CCL17: variants seen among roughly 807,000 people sequenced by gnomAD.
CCL17 encodes the protein C-C motif chemokine ligand 17, also known as C-C motif chemokine 17.
A neutral mutation model predicts 7.4 loss-of-function variants in CCL17; 8 were observed. The ratio of observed to expected loss-of-function variants is 1.09; its 90% CI spans 0.64 to 1.96. The LOEUF (loss-of-function observed/expected upper bound fraction) is 1.96. Among genes scored for constraint, CCL17 ranks in the 30% most tolerant of loss-of-function variants. The pLI, the probability that CCL17 is intolerant of heterozygous loss-of-function variation, is 0.00. For missense variants in CCL17, 102 were observed against 113.0 expected, an observed-to-expected ratio of 0.90 and a Z score of 0.44; for synonymous variants, 40 against 46.1, an observed-to-expected ratio of 0.87 and a Z score of 0.54.
intron 1 of CCL17, among the ~76,000 whole-genome samples, chr16:57,406,378 A>G (rs148898369): frequency 0.026 from 3,943 of 152,114 alleles, 170 homozygotes; most frequent in African/African-American, 0.09. Context: ...CGATCTTCCC[A>G]CCTCAGCCTC....
At chr16:57,400,413 G>A (rs1005722219), upstream of CCL17, among the ~76,000 whole-genome samples, 7 of 150,756 alleles carry the variant, frequency 4.6e-5, no homozygotes, top group Non-Finnish European at 8.8e-5. Context: ...GGGCAATGAA[G>A]CAATCATGGT....
the CCL17 span, among the ~76,000 whole-genome samples, chr16:57,399,075 G>T: frequency 4.6e-5 from 7 of 152,204 alleles, no homozygotes; most frequent in Non-Finnish European, 8.8e-5. Context: ...AGAGTAGGGT[G>T]TAGGGGTTGG....
Position 57,415,918 on chromosome 16 carries a change from TTGG to T in CCL17, c.*60_*62del. The T allele has an allele frequency of 8.2e-7, 1 of 1,218,336 alleles. No individual in the cohort carries two copies. The highest frequency in any genetic ancestry group is 1.2e-6 in the Non-Finnish European group (1 of 822,050). The allele number at this position is 1,218,336 out of a possible 1,614,324, so 75.5% of individuals were successfully genotyped here. ...CCGGGACTACCTGGGACCTCCACCG[TTGG>T]TGTTCACCGCCCCCACCCTGAGCGC... On this transcript the variant is annotated 3_prime_UTR_variant, in exon 4 of 4. Coordinates refer to ENST00000219244, the MANE Select transcript of CCL17 (RefSeq NM_002987.3). This position sits in a 1 kb window ranked among gnomAD's most constrained non-coding sequence, Gnocchi z 4.5.
At chr16:57,406,670 G>A (rs1902700907) in intron 1 of CCL17, among the ~76,000 whole-genome samples, 1 of 152,138 alleles carries the variant, frequency 6.6e-6, no homozygotes. Context: ...TAGGTTCCCA[G>A]GGATGACAAG....
upstream of CCL17, among the ~76,000 whole-genome samples, chr16:57,401,226 G>A (rs1902587375): frequency 6.6e-6 from 1 of 151,942 alleles, no homozygotes; most frequent in Non-Finnish European, 1.5e-5. Flanking sequence ...ATAAAGCTTA[G>A]AAATGAGCAT....
chr16:57,416,024 C>G lies in CCL17; in HGVS notation c.*163C>G, dbSNP rs1006657833. Reference sequence around the variant, plus strand: ...TCCCATCCCCTTGTCTGAACTGGAGCCATGGGCACAAAGGGCCCAGATTAA... The same window carrying G: ...TCCCATCCCCTTGTCTGAACTGGAGGCATGGGCACAAAGGGCCCAGATTAA... On this transcript the variant is annotated 3_prime_UTR_variant, in exon 4 of 4. Coordinates refer to ENST00000219244, the MANE Select transcript of CCL17 (RefSeq NM_002987.3). 3.4e-6 allele frequency: 2 copies of G among 595,574 alleles called. No individual in the cohort carries two copies. Among genetic ancestry groups the G allele is most frequent in the Admixed American group, 5.8e-5 (2 of 34,284 alleles). 36.9% of individuals were successfully genotyped at this position (595,574 alleles called of 1,614,324 possible).
Position 57,405,816 on chromosome 16 carries a change from G to A in CCL17, c.-60+980G>A, listed in dbSNP as rs576684583. On this transcript the variant is annotated intron_variant, in intron 1 of 3. Transcript: ENST00000219244. ...TGGGAGGCCGAGGCAGGTGGATCAC[G>A]AGATCAGGAGATCGAGACCATCCTG... Among the ~76,000 whole-genome samples the A allele has an allele frequency of 2.5e-3, 383 of 151,538 alleles. 4 individuals carry two copies. The highest frequency in any genetic ancestry group is 6.5e-3 in the South Asian group (31 of 4,794).
At chr16:57,399,727 C>T in the CCL17 span, among the ~76,000 whole-genome samples, 9 of 152,214 alleles carry the variant, frequency 5.9e-5, no homozygotes, top group African/African-American at 1.7e-4. Context: ...GTATTACAGG[C>T]GTAAGCCACT....
At chr16:57,412,232 T>C (rs1902795768) in intron 1 of CCL17, among the ~76,000 whole-genome samples, 1 of 152,170 alleles carries the variant, frequency 6.6e-6, no homozygotes, top group Non-Finnish European at 1.5e-5. Context: ...TAGAGGATGC[T>C]GCCCACAGAA....
chr16:57,402,112 T>G (rs2146529361), upstream of CCL17, among the ~76,000 whole-genome samples: 1 of 152,308 alleles, frequency 6.6e-6, no homozygotes, highest in East Asian at 1.9e-4. Context: ...GCAGCTGAGG[T>G]GCTGGTTCTT....
upstream of CCL17, among the ~76,000 whole-genome samples, chr16:57,404,162 A>G (rs72792969): frequency 0.028 from 4,189 of 152,054 alleles, 84 homozygotes; most frequent in South Asian, 0.088. Flanking sequence ...AGGGCACAGA[A>G]CTCGCGGGGC....
At chr16:57,411,323 C>T (rs2146538828) in intron 1 of CCL17, among the ~76,000 whole-genome samples, 1 of 152,190 alleles carries the variant, frequency 6.6e-6, no homozygotes, top group Admixed American at 6.5e-5. Flanking sequence ...CCCCCAGAGG[C>T]TCAGCTGCCC....
intron 1 of CCL17, among the ~76,000 whole-genome samples, chr16:57,409,771 C>T (rs62037109): frequency 0.011 from 1,748 of 152,258 alleles, 16 homozygotes; most frequent in Middle Eastern, 0.051. Flanking sequence ...ACAGACACAT[C>T]AATGGGCACG....
chr16:57,399,563 G>A, the CCL17 span, among the ~76,000 whole-genome samples: 2 of 152,142 alleles, frequency 1.3e-5, no homozygotes, highest in Admixed American at 1.3e-4. Context: ...CGATTCTTCT[G>A]CTTCAGCCTC....
At chr16:57,400,174 G>A (rs223890), upstream of CCL17, among the ~76,000 whole-genome samples, 4,171 of 152,100 alleles carry the variant, frequency 0.027, 78 homozygotes, top group Middle Eastern at 0.071. Context: ...CCTGGCTAAC[G>A]CGGTGAAACC....
chr16:57,409,209 G>A (rs557848448), intron 1 of CCL17, among the ~76,000 whole-genome samples: 5 of 152,316 alleles, frequency 3.3e-5, no homozygotes, highest in Non-Finnish European at 7.3e-5. Context: ...GAAGGAGTAA[G>A]GGTTCAAGCT....
the CCL17 span, among the ~76,000 whole-genome samples, chr16:57,399,058 G>A: frequency 1.3e-5 from 2 of 152,222 alleles, no homozygotes; most frequent in Non-Finnish European, 2.9e-5. Context: ...GCTTCCTCTG[G>A]TATTTGAGAG....
upstream of CCL17, among the ~76,000 whole-genome samples, chr16:57,403,777 C>T (rs1477262534): frequency 2.1e-5 from 3 of 143,268 alleles, no homozygotes; most frequent in Non-Finnish European, 4.5e-5. Flanking sequence ...CTGCCTCAGC[C>T]TCCCAAGTAC....
upstream of CCL17, among the ~76,000 whole-genome samples, chr16:57,400,239 A>T (rs530074152): frequency 3.3e-5 from 5 of 152,004 alleles, no homozygotes; most frequent in African/African-American, 1.2e-4. Context: ...GGCGCCTGTA[A>T]TCTCAGCTAC....
Sources: gnomAD v4.1 joint callset for allele counts (sites outside exome capture counted in the v4.1 genomes callset) on GRCh38, gnomAD v4.1.1 for gene constraint, Gnocchi (gnomAD v3.1) non-coding constraint, MANE v1.5 for transcripts, NCBI Gene and HGNC (gene_info 2026-07-23, HGNC 2026-07-21) for gene names.